The following TBX20 variants were observed in gnomAD, a reference collection of about 807,000 sequenced individuals.
TBX20 encodes T-box transcription factor TBX20.
Under a neutral mutation model 42.9 loss-of-function variants are expected in TBX20, and 8 were observed. That is an observed-to-expected ratio of 0.19 (90% CI 0.11 to 0.34). The LOEUF is 0.34. Ranked by LOEUF, TBX20 falls within the 10% of genes least tolerant of loss-of-function variation. The probability of loss-of-function intolerance (pLI) is 1.00; values close to 1 mark genes in which losing one functional copy is unlikely to be tolerated. For synonymous variants in TBX20, 198 were observed against 222.8 expected (o/e 0.89, Z 0.99); for missense variants, 411 against 566.0 (o/e 0.73, Z 2.78).
chr7:35,251,880 G>A (rs73099187), intron 1 of TBX20, among the ~76,000 whole-genome samples: 55,762 of 151,940 alleles, frequency 0.37, 10,557 homozygotes, highest in Admixed American at 0.46. Flanking sequence ...CAGTGTAAGC[G>A]ACAAGAACGC....
chr7:35,222,907 C>T (rs920266955), intron 6 of TBX20, among the ~76,000 whole-genome samples: 7 of 152,136 alleles, frequency 4.6e-5, no homozygotes, highest in Non-Finnish European at 8.8e-5. Context: ...AACTTCCTTT[C>T]TTTGGAAAGA....
intron 5 of TBX20, among the ~76,000 whole-genome samples, chr7:35,231,946 T>C (rs188786139): frequency 8.5e-5 from 13 of 152,312 alleles, no homozygotes; most frequent in Non-Finnish European, 1.6e-4. Flanking sequence ...AATGGGAGAA[T>C]TATGCAGAAT....
intron 6 of TBX20, among the ~76,000 whole-genome samples, chr7:35,216,444 G>GT (rs1431724576): frequency 6.6e-6 from 1 of 152,236 alleles, no homozygotes; most frequent in Non-Finnish European, 1.5e-5. Context: ...TTTCTCATCT[G>GT]TAAAATAAGG....
At position 35,205,164 on chromosome 7, in the gene TBX20, G is replaced by A. The variant is rs188509864; in HGVS notation, c.891-582C>T. The stretch of plus-strand genomic sequence containing the variant: ...AACACTAAGATCCTTGTTGCTGTAA[G>A]ACTGAAAATTACAAAAAACCCATGA... On this transcript the variant is annotated intron_variant, in intron 6 of 7. Transcript: ENST00000408931. Among the ~76,000 whole-genome samples the A allele has an allele frequency of 7.0e-4, 107 of 152,166 alleles. 1 individual carries two copies. Among genetic ancestry groups the A allele is most frequent in the Admixed American group, 5.8e-3 (88 of 15,276 alleles).
In TBX20 at chr7:35,253,604, G is replaced by A. The variant is rs890314176; in HGVS notation, c.17C>T (p.Ser6Phe). 4.3e-6 allele frequency: 7 copies of A among 1,611,942 alleles called. No individual in the cohort carries two copies. The highest frequency in any genetic ancestry group is 5.9e-6 in the Non-Finnish European group (7 of 1,179,988). The change falls in exon 1 of 8, where the codon TCC (serine) becomes TTC (phenylalanine). Residue 6 changes from serine (S) to phenylalanine (F), a missense_variant. Ser to Phe is a radical substitution (Grantham distance 155). This residue lies in a region of TBX20 where 114 missense variants were observed against 128.0 expected (regional missense o/e 0.89). Coordinates refer to ENST00000408931, the MANE Select transcript of TBX20 (RefSeq NM_001077653.2). The part of the protein sequence containing the change: MEFTA[S>F]PKPQLSSRAN... ...CCGAGAGGAGAGTTGGGGCTTGGGGGACGCCGTGAACTCCATGGTCCCCAG... is the reference window on the plus strand; with the variant it reads ...CCGAGAGGAGAGTTGGGGCTTGGGGAACGCCGTGAACTCCATGGTCCCCAG...
chr7:35,242,965 C>G (rs1305588456), intron 4 of TBX20, among the ~76,000 whole-genome samples: 1 of 152,072 alleles, frequency 6.6e-6, no homozygotes, highest in Non-Finnish European at 1.5e-5. Context: ...ATTCTGGTGA[C>G]AAAGGGTTAT....
chr7:35,252,342 G>A (rs1730023608), intron 1 of TBX20, among the ~76,000 whole-genome samples: 1 of 151,642 alleles, frequency 6.6e-6, no homozygotes, highest in Non-Finnish European at 1.5e-5. Context: ...AGGTGGGTGG[G>A]AAGAACCAGG....
chr7:35,253,520 G>T lies in TBX20; in HGVS notation c.101C>A (p.Ala34Glu), dbSNP rs760317856. 1.9e-6 allele frequency: 3 copies of T among 1,612,134 alleles called. No homozygotes were observed. Among genetic ancestry groups the T allele is most frequent in the Admixed American group, 3.3e-5 (2 of 59,944 alleles). The change falls in exon 1 of 8, where the codon GCG (alanine) becomes GAG (glutamate). Residue 34 changes from alanine (A) to glutamate (E), a missense_variant. Ala to Glu is a moderately radical substitution (Grantham distance 107, BLOSUM62 -1). This residue lies in a region of TBX20 where 114 missense variants were observed against 128.0 expected (regional missense o/e 0.89). Transcript: ENST00000408931. ...CAGGGGTTTGATTGTGTTCTCCGTC[G>T]CCTCCTTCTCCTTAGAGCCGCCGCT... The part of the protein sequence containing the change: ...MSSGGSKEKE[A>E]TENTIKPLEQ...
intron 7 of TBX20, among the ~76,000 whole-genome samples, chr7:35,203,585 C>T (rs559962940): frequency 4.3e-4 from 66 of 152,326 alleles, no homozygotes; most frequent in African/African-American, 1.6e-3. Context: ...ATACATGTAA[C>T]ATACAGAATA....
intron 4 of TBX20, among the ~76,000 whole-genome samples, chr7:35,244,729 C>T (rs1790146643): frequency 1.3e-5 from 2 of 152,208 alleles, no homozygotes; most frequent in South Asian, 4.1e-4. Context: ...AGATCCCTGA[C>T]CTTCTTGCAT....
intron 6 of TBX20, among the ~76,000 whole-genome samples, chr7:35,228,397 T>C (rs1789811610): frequency 6.6e-6 from 1 of 152,080 alleles, no homozygotes; most frequent in Non-Finnish European, 1.5e-5. Context: ...CATACGTGCA[T>C]AAGAAAGTAT....
intron 6 of TBX20, among the ~76,000 whole-genome samples, chr7:35,213,527 C>T (rs1476224845): frequency 6.6e-6 from 1 of 151,930 alleles, no homozygotes; most frequent in Non-Finnish European, 1.5e-5. Flanking sequence ...CTATGATAAC[C>T]CATCAATGAA....
At chr7:35,220,700 A>G (rs1037721110) in intron 6 of TBX20, among the ~76,000 whole-genome samples, 11 of 152,260 alleles carry the variant, frequency 7.2e-5, no homozygotes, top group African/African-American at 2.4e-4. Context: ...CAGATGAGCT[A>G]AAGAAAAATA....
At chr7:35,237,928 G>C (rs1015036786) in intron 5 of TBX20, among the ~76,000 whole-genome samples, 2 of 152,034 alleles carry the variant, frequency 1.3e-5, no homozygotes, top group Admixed American at 1.3e-4. Context: ...AGTCTATCAG[G>C]GCCAAGAGCT....
At chr7:35,219,917 G>C (rs1205563562) in intron 6 of TBX20, among the ~76,000 whole-genome samples, 1 of 152,178 alleles carries the variant, frequency 6.6e-6, no homozygotes, top group Admixed American at 6.5e-5. Flanking sequence ...TCATGTGTTT[G>C]AAAGTTTTAT....
At chr7:35,231,672 A>G in intron 5 of TBX20, 92 bp from the exon 6 acceptor site, 1 of 839,022 alleles carries the variant, frequency 1.2e-6, no homozygotes, top group Non-Finnish European at 2.0e-6. Flanking sequence ...GCACACCAAG[A>G]ATATCTTAAT....
At chr7:35,223,479 AC>A (rs1789717569) in intron 6 of TBX20, among the ~76,000 whole-genome samples, 1 of 152,196 alleles carries the variant, frequency 6.6e-6, no homozygotes, top group African/African-American at 2.4e-5. Flanking sequence ...GGTCTGGAAC[AC>A]ATGGTGTTTA....
Position 35,229,697 on chromosome 7 carries a change from T to G in TBX20, c.890+1807A>C, listed in dbSNP as rs980082718. On this transcript the variant is annotated intron_variant, in intron 6 of 7. Transcript: ENST00000408931. Reference sequence around the variant, plus strand: ...AAACCAATGTGCAACTACAAGGCTATTTTTACTCTAGGAGTAGTTTATTAA... The same window carrying G: ...AAACCAATGTGCAACTACAAGGCTAGTTTTACTCTAGGAGTAGTTTATTAA... Among the ~76,000 whole-genome samples the G allele has an allele frequency of 4.3e-4, 66 of 152,266 alleles. 1 individual carries two copies. Among genetic ancestry groups the G allele is most frequent in the Admixed American group, 1.6e-3 (25 of 15,286 alleles).
chr7:35,234,802 T>G (rs191737253), intron 5 of TBX20, among the ~76,000 whole-genome samples: 22 of 152,276 alleles, frequency 1.4e-4, no homozygotes, highest in Admixed American at 3.9e-4. Context: ...AGGAAAAAAC[T>G]GAATGGATCT....
Sources: allele counts gnomAD v4.1 joint callset (sites outside exome capture counted in the v4.1 genomes callset), GRCh38; gene constraint gnomAD v4.1.1; regional missense constraint gnomAD v4.1.1; transcripts MANE v1.5; gene names NCBI Gene and HGNC (gene_info 2026-07-23, HGNC 2026-07-21).